TDP1: variants seen among roughly 807,000 people sequenced by gnomAD.
The protein encoded by TDP1 is tyr-DNA phosphodiesterase 1.
In TDP1, 64 loss-of-function variants were observed where a neutral mutation model predicts 81.5. The ratio of observed to expected loss-of-function variants is 0.79; its 90% CI spans 0.64 to 0.97. The LOEUF is 0.97. TDP1 is among the 50% of genes least tolerant of loss of function. The probability of loss-of-function intolerance (pLI) is 0.00; values close to 1 mark genes in which losing one functional copy is unlikely to be tolerated. For missense variants in TDP1, 723 were observed against 743.8 expected, an observed-to-expected ratio of 0.97 and a Z score of 0.33; for synonymous variants, 256 against 264.3, an observed-to-expected ratio of 0.97 and a Z score of 0.30.
chr14:89,965,733 CT>C, intron 3 of TDP1: 5 of 981,164 alleles, frequency 5.1e-6, no homozygotes, highest in Non-Finnish European at 6.1e-6. Context: ...TCTTTCTAAA[CT>C]GTCCACATTT....
intron 15 of TDP1, 113 bp from the exon 16 acceptor site, chr14:90,032,993 T>A: frequency 8.6e-7 from 1 of 1,164,412 alleles, no homozygotes; most frequent in Non-Finnish European, 1.2e-6. Context: ...CCAAAATAAT[T>A]TGAATTTTAT....
intron 12 of TDP1, among the ~76,000 whole-genome samples, chr14:89,990,322 C>T (rs922843109): frequency 5.9e-5 from 9 of 152,138 alleles, no homozygotes; most frequent in African/African-American, 2.4e-5. Context: ...AGGCACTAAA[C>T]CTTTATTTAG....
intron 14 of TDP1, among the ~76,000 whole-genome samples, chr14:90,008,485 C>T (rs35273299): frequency 0.039 from 5,909 of 152,242 alleles, 374 homozygotes; most frequent in African/African-American, 0.13. Flanking sequence ...CTTACTCTAC[C>T]ACCTAGTACC....
At chr14:90,014,478 C>T (rs535513366) in intron 14 of TDP1, among the ~76,000 whole-genome samples, 10 of 152,302 alleles carry the variant, frequency 6.6e-5, no homozygotes, top group African/African-American at 1.4e-4. Context: ...TTCCCCTCCA[C>T]GTCAGTACAG....
intron 2 of TDP1, among the ~76,000 whole-genome samples, chr14:89,959,704 T>C (rs1892105910): frequency 6.6e-6 from 1 of 152,208 alleles, no homozygotes; most frequent in South Asian, 2.1e-4. Context: ...TCCTACTTTG[T>C]TGGAGGGAAT....
chr14:89,975,346 G>T (rs1894158830), intron 6 of TDP1: 1 of 926,336 alleles, frequency 1.1e-6, no homozygotes, highest in African/African-American at 1.8e-5. Context: ...AAAGTGCTGG[G>T]ATTACAGGCG....
chr14:89,972,312 C>CT (rs1211795352), intron 6 of TDP1, among the ~76,000 whole-genome samples: 1 of 152,140 alleles, frequency 6.6e-6, no homozygotes, highest in Non-Finnish European at 1.5e-5. Context: ...GAGCTACACA[C>CT]TTTTATCAAA....
At chr14:89,988,478 G>A (rs1895815196) in intron 10 of TDP1, 5 of 522,442 alleles carry the variant, frequency 9.6e-6, no homozygotes, top group Non-Finnish European at 1.2e-5. Context: ...GAGATCCCAA[G>A]GATTTTAGTA....
chr14:90,043,052 A>G lies in TDP1; in HGVS notation c.1754-18A>G, dbSNP rs759977658. 5 of 1,613,982 alleles carry G rather than the reference A, an allele frequency of 3.1e-6. No individual in the cohort carries two copies. Among genetic ancestry groups the G allele is most frequent in the Admixed American group, 1.7e-5 (1 of 59,996 alleles). ...CATCCTATTCAAATAAATATTACGT[A>G]ATGTGTTTTTCCCCCAGATCGGCCA... is the stretch of plus-strand genomic sequence containing the variant. On this transcript the variant is annotated intron_variant, in intron 16 of 16. Coordinates refer to ENST00000335725, the MANE Select transcript of TDP1 (RefSeq NM_018319.4).
rs34513682 is a variant in TDP1, at chr14:90,044,573, G to C, written c.*1430G>C. ...TTTCCAAAAGTACCTTAGGAACCTT[G>C]TAGGCTGCAGTGGGGGTGTGGCGAT... On this transcript the variant is annotated 3_prime_UTR_variant, in exon 17 of 17. Transcript: ENST00000335725. 73 of 152,378 alleles carry C rather than the reference G, an allele frequency of 4.8e-4. No individual in the cohort carries two copies. Among genetic ancestry groups the C allele is most frequent in the African/African-American group, 1.7e-3 (70 of 41,562 alleles). 9.4% of individuals were successfully genotyped at this position (152,378 alleles called of 1,614,324 possible). A position where few individuals can be genotyped will look rare whatever the true frequency, so the allele number is the denominator to read the frequency against.
At chr14:89,959,462 C>G (rs1892075629) in intron 2 of TDP1, among the ~76,000 whole-genome samples, 1 of 152,168 alleles carries the variant, frequency 6.6e-6, no homozygotes. Context: ...GGGCGGGAGC[C>G]TTGATGTCAT....
At chr14:89,983,592 G>A (rs1382052233) in intron 8 of TDP1, among the ~76,000 whole-genome samples, 1 of 152,176 alleles carries the variant, frequency 6.6e-6, no homozygotes. Context: ...GGGGAAAAAA[G>A]TAACACCTGA....
At chr14:89,969,930 G>A (rs922645271) in intron 5 of TDP1, among the ~76,000 whole-genome samples, 2 of 137,436 alleles carry the variant, frequency 1.5e-5, no homozygotes. Flanking sequence ...AGGCTGGAGT[G>A]CAGTGGCGGG....
At chr14:89,971,587 A>G (rs755334196) in intron 6 of TDP1, among the ~76,000 whole-genome samples, 1 of 152,216 alleles carries the variant, frequency 6.6e-6, no homozygotes, top group Non-Finnish European at 1.5e-5. Context: ...TGATTCATAT[A>G]TCTAAAGTGA....
At chr14:89,993,550 G>A (rs1338917147) in intron 14 of TDP1, 67 bp downstream of exon 14, 3 of 1,573,816 alleles carry the variant, frequency 1.9e-6, no homozygotes, top group Non-Finnish European at 2.6e-6. Context: ...TGCTCTGAAT[G>A]TTGAATGGGT....
intron 3 of TDP1, chr14:89,965,621 C>G (rs993347268): frequency 1.7e-5 from 4 of 229,694 alleles, no homozygotes; most frequent in Non-Finnish European, 2.9e-5. Context: ...AGTGAGACTT[C>G]CCTAGAGATG....
At chr14:90,035,475 C>A (rs1035769679) in intron 16 of TDP1, among the ~76,000 whole-genome samples, 31 of 149,470 alleles carry the variant, frequency 2.1e-4, no homozygotes, top group East Asian at 7.8e-4. Context: ...AAAAAAAAAA[C>A]CCCAGGAAAA....
intron 14 of TDP1, among the ~76,000 whole-genome samples, chr14:90,014,809 A>G (rs1360951011): frequency 1.3e-5 from 2 of 152,208 alleles, no homozygotes; most frequent in Admixed American, 1.3e-4. Context: ...TCAAGCAGGG[A>G]TTGGTGATGG....
At position 90,033,098 on chromosome 14, in the gene TDP1, G is replaced by A; in HGVS notation, c.1645-8G>A. On this transcript the variant is annotated splice_polypyrimidine_tract_variant and splice_region_variant and intron_variant, in intron 15 of 16. Transcript: ENST00000335725. ...GTGCAATCATAGATTTCCTCTGTGT[G>A]TCTGCAGGGTCTAGACAGTTTCAAA... 6.3e-7 allele frequency: 1 copy of A among 1,580,454 alleles called. No individual in the cohort carries two copies. The highest frequency in any genetic ancestry group is 8.7e-7 in the Non-Finnish European group (1 of 1,149,918).
Sources: gnomAD v4.1 joint callset for allele counts (sites outside exome capture counted in the v4.1 genomes callset) on GRCh38, gnomAD v4.1.1 for gene constraint, MANE v1.5 for transcripts, NCBI Gene and HGNC (gene_info 2026-07-23, HGNC 2026-07-21) for gene names.